Variants in LMNA observed in about 807,000 individuals in gnomAD.
The protein encoded by LMNA is lamin A/C, also known as lamin.
LMNA carries 20 observed loss-of-function variants against 70.4 expected under a neutral mutation model. The ratio of observed to expected loss-of-function variants is 0.28; its 90% CI spans 0.20 to 0.41. The LOEUF is 0.41. LMNA is among the 10% of genes least tolerant of loss of function. The pLI is 1.00. For synonymous variants in LMNA, 339 were observed against 372.8 expected (o/e 0.91, Z 1.04); for missense variants, 652 against 917.2 (o/e 0.71, Z 3.73).
At chr1:156,110,688 TAA>T (rs1649502087), upstream of LMNA, among the ~76,000 whole-genome samples, 1 of 151,534 alleles carries the variant, frequency 6.6e-6, no homozygotes, top group African/African-American at 2.4e-5. Context: ...CTTAAAAAAA[TAA>T]AGAGGCTGGG....
intron 2 of LMNA, among the ~76,000 whole-genome samples, chr1:156,084,826 G>A (rs1484616546): frequency 2.6e-5 from 4 of 152,200 alleles, no homozygotes; most frequent in African/African-American, 7.2e-5. Flanking sequence ...CTGAACTTGC[G>A]CTGCCTCTGC....
At position 156,135,389 on chromosome 1, in the gene LMNA, GT is replaced by G; in HGVS notation, c.936+78del. 1 of 1,451,200 alleles carries G rather than the reference GT, an allele frequency of 6.9e-7. No homozygotes were observed. Among genetic ancestry groups the G allele is most frequent in the Non-Finnish European group, 9.4e-7 (1 of 1,063,286 alleles). The allele number at this position is 1,451,200 out of a possible 1,614,324, so 89.9% of individuals were successfully genotyped here. On this transcript the variant is annotated intron_variant, in intron 5 of 11. Coordinates refer to ENST00000368300, the MANE Select transcript of LMNA (RefSeq NM_170707.4). This position sits in a 1 kb window ranked among gnomAD's most constrained non-coding sequence, Gnocchi z 4.8. Reference sequence around the variant, plus strand: ...GCAGGCTGGAAGCCCAGGGTTGGGGGTGGGGGTGGGGGTGGGAGGTTCCTGA... The same window carrying G: ...GCAGGCTGGAAGCCCAGGGTTGGGGGGGGGGTGGGGGTGGGAGGTTCCTGA...
intron 3 of LMNA, among the ~76,000 whole-genome samples, chr1:156,105,132 C>T (rs1649282196): frequency 6.6e-6 from 1 of 152,188 alleles, no homozygotes; most frequent in Admixed American, 6.5e-5. Flanking sequence ...GTGAGGTGGG[C>T]TCTTGGCATG....
intron 2 of LMNA, among the ~76,000 whole-genome samples, chr1:156,087,254 T>G (rs1199281001): frequency 6.6e-6 from 1 of 151,942 alleles, no homozygotes; most frequent in African/African-American, 2.4e-5. Context: ...TTTTTTTTTT[T>G]TTGTGGGGGG....
At chr1:156,101,888 G>C in intron 3 of LMNA, among the ~76,000 whole-genome samples, 1 of 151,322 alleles carries the variant, frequency 6.6e-6, no homozygotes. Context: ...AAGGAGGAGA[G>C]GCTGAGGAAG....
At chr1:156,088,997 A>G (rs953498343) in intron 2 of LMNA, among the ~76,000 whole-genome samples, 5 of 152,098 alleles carry the variant, frequency 3.3e-5, no homozygotes, top group African/African-American at 1.2e-4. Flanking sequence ...GTTTATTTTG[A>G]GCCAGGGTCT....
Position 156,115,332 on chromosome 1 carries a change from C to T in LMNA, c.356+58C>T, listed in dbSNP as rs1649753496. ...GGGAGTGGAGAGGGCGGCGGGCCGG[C>T]GCCCCTGGCCGGCCGCAGGAAGGGA... On this transcript the variant is annotated intron_variant, in intron 1 of 11. Coordinates refer to ENST00000368300, the MANE Select transcript of LMNA (RefSeq NM_170707.4). This position sits in a 1 kb window ranked among gnomAD's most constrained non-coding sequence, Gnocchi z 5.8. 1.4e-6 allele frequency: 2 copies of T among 1,469,776 alleles called. No homozygotes were observed. Among genetic ancestry groups the T allele is most frequent in the Non-Finnish European group, 1.9e-6 (2 of 1,080,854 alleles). 91.0% of individuals were successfully genotyped at this position (1,469,776 alleles called of 1,614,324 possible).
At chr1:156,105,027 CTG>C (rs2102803109) in intron 3 of LMNA, among the ~76,000 whole-genome samples, 1 of 152,344 alleles carries the variant, frequency 6.6e-6, no homozygotes, top group East Asian at 1.9e-4. Flanking sequence ...GCCTGTCTTC[CTG>C]TCCTTCCCAG....
chr1:156,138,819 G>T lies in LMNA; in HGVS notation c.1968+62G>T, dbSNP rs572131902. On this transcript the variant is annotated intron_variant, in intron 11 of 11. Transcript: ENST00000368300. This position sits in a 1 kb window ranked among gnomAD's most constrained non-coding sequence, Gnocchi z 5.5. Reference sequence around the variant, plus strand: ...CGGGTCCCTGGTCATCGAGGGGTAGGACGAGGTGGCCTTGCAGGGGGGAGA... The same window carrying T: ...CGGGTCCCTGGTCATCGAGGGGTAGTACGAGGTGGCCTTGCAGGGGGGAGA... 2.2e-3 allele frequency: 3,593 copies of T among 1,606,162 alleles called. 7 individuals carry two copies. Among genetic ancestry groups the T allele is most frequent in the Non-Finnish European group, 2.7e-3 (3,142 of 1,175,080 alleles).
At chr1:156,101,659 G>C (rs1289913206) in intron 3 of LMNA, among the ~76,000 whole-genome samples, 1 of 142,658 alleles carries the variant, frequency 7.0e-6, no homozygotes, top group Non-Finnish European at 1.5e-5. Flanking sequence ...AGGGAGGGAG[G>C]GAGGGAGGGA....
At position 156,138,176 on chromosome 1, in the gene LMNA, G is replaced by A; in HGVS notation, c.1699-312G>A. The A allele has an allele frequency of 1.8e-6, 1 of 554,818 alleles. No individual in the cohort carries two copies. Among genetic ancestry groups the A allele is most frequent in the East Asian group, 3.1e-5 (1 of 32,380 alleles). 34.4% of individuals were successfully genotyped at this position (554,818 alleles called of 1,614,324 possible). A position where few individuals can be genotyped will look rare whatever the true frequency, so the allele number is the denominator to read the frequency against. On this transcript the variant is annotated intron_variant, in intron 10 of 11. Transcript: ENST00000368300. The surrounding 1 kb of genome is among the most constrained non-coding windows in gnomAD (Gnocchi z 5.5). Reference sequence around the variant, plus strand: ...CCCTCCACTCCAATTAATAGTGCATGCCTGCTGCCCTACAAGCTTGCTCCC... The same window carrying A: ...CCCTCCACTCCAATTAATAGTGCATACCTGCTGCCCTACAAGCTTGCTCCC...
chr1:156,089,841 G>A (rs1406419274), intron 2 of LMNA, among the ~76,000 whole-genome samples: 1 of 152,212 alleles, frequency 6.6e-6, no homozygotes, highest in Non-Finnish European at 1.5e-5. Context: ...CAGAGGGGCT[G>A]GGGTGGAGTC....
Position 156,115,954 on chromosome 1 carries a change from C to T in LMNA, c.356+680C>T, listed in dbSNP as rs1250561760. On this transcript the variant is annotated intron_variant, in intron 1 of 11. Coordinates refer to ENST00000368300, the MANE Select transcript of LMNA (RefSeq NM_170707.4). This position sits in a 1 kb window ranked among gnomAD's most constrained non-coding sequence, Gnocchi z 5.8. Reference sequence around the variant, plus strand: ...GGACCTTCCTTGGGCTCTGACAGGCCCACCAAAAGAGCTCCGGGAGATGAG... The same window carrying T: ...GGACCTTCCTTGGGCTCTGACAGGCTCACCAAAAGAGCTCCGGGAGATGAG... 6.6e-6 allele frequency among the ~76,000 whole-genome samples: 1 copy of T among 152,216 alleles called. No individual in the cohort carries two copies. Among genetic ancestry groups the T allele is most frequent in the Non-Finnish European group, 1.5e-5 (1 of 68,030 alleles).
intron 1 of LMNA, among the ~76,000 whole-genome samples, chr1:156,119,220 C>A (rs1453109388): frequency 6.6e-6 from 1 of 151,690 alleles, no homozygotes; most frequent in Non-Finnish European, 1.5e-5. Flanking sequence ...CAGGTTCAAG[C>A]GATTCTCCTG....
chr1:156,096,040 G>A (rs1648925124), intron 3 of LMNA, among the ~76,000 whole-genome samples: 1 of 152,194 alleles, frequency 6.6e-6, no homozygotes, highest in African/African-American at 2.4e-5. Context: ...GAGTGATGCT[G>A]AGTCTAGTCT....
intron 1 of LMNA, chr1:156,123,181 G>A (rs1650318855): frequency 6.6e-6 from 1 of 152,244 alleles, no homozygotes; most frequent in African/African-American, 2.4e-5. Context: ...CAAATGGAAG[G>A]GAGATAGGAC....
At chr1:156,122,502 C>T (rs1320414263) in intron 1 of LMNA, among the ~76,000 whole-genome samples, 16 of 152,246 alleles carry the variant, frequency 1.1e-4, no homozygotes. Flanking sequence ...CCACATTTCT[C>T]TATTTCCCCG....
chr1:156,092,271 G>A lies in LMNA; in HGVS notation c.-207+1689G>A, dbSNP rs187148549. ...GTGGTGAGTTGCTCTTGTAGTCTTA[G>A]CTACTTAGGAGGCTGAGATAGGAGG... On this transcript the variant is annotated intron_variant, in intron 3 of 12. Coordinates refer to the LMNA transcript ENST00000368301. 2.0e-5 allele frequency among the ~76,000 whole-genome samples: 3 copies of A among 152,142 alleles called. No individual in the cohort carries two copies. In the East Asian group the frequency reaches 5.8e-4, roughly 29 times the overall value.
At chr1:156,111,784 A>C (rs1649551588), upstream of LMNA, among the ~76,000 whole-genome samples, 1 of 152,220 alleles carries the variant, frequency 6.6e-6, no homozygotes, top group South Asian at 2.1e-4. Flanking sequence ...CAGAGAATTC[A>C]GTAGCAGATC....
Sources: gnomAD v4.1 joint callset for allele counts (sites outside exome capture counted in the v4.1 genomes callset) on GRCh38, gnomAD v4.1.1 for gene constraint, Gnocchi (gnomAD v3.1) non-coding constraint, MANE v1.5 for transcripts, NCBI Gene and HGNC (gene_info 2026-07-23, HGNC 2026-07-21) for gene names.